The following SUGCT variants were observed in gnomAD, a reference collection of about 807,000 sequenced individuals.
The protein encoded by SUGCT is succinyl-CoA:glutarate CoA-transferase.
In SUGCT, 41 loss-of-function variants were observed where a neutral mutation model predicts 55.0. The ratio of observed to expected loss-of-function variants is 0.74; its 90% CI spans 0.58 to 0.97. The LOEUF is 0.97. SUGCT is among the 50% of genes least tolerant of loss of function. The pLI is 0.00. For synonymous variants in SUGCT, 187 were observed against 200.4 expected (o/e 0.93, Z 0.56); for missense variants, 568 against 547.8 (o/e 1.04, Z -0.37).
chr7:40,419,904 C>T (rs2151367216), intron 9 of SUGCT, among the ~76,000 whole-genome samples: 1 of 152,318 alleles, frequency 6.6e-6, no homozygotes, highest in East Asian at 1.9e-4. Context: ...GTCTCCTATA[C>T]ATTTTGCAGA....
At chr7:40,339,489 C>T (rs1486995194) in intron 9 of SUGCT, among the ~76,000 whole-genome samples, 1 of 152,148 alleles carries the variant, frequency 6.6e-6, no homozygotes, top group Non-Finnish European at 1.5e-5. Flanking sequence ...GCAGTTTGAT[C>T]TCAGACCGCT....
chr7:40,228,999 A>C (rs934322805), intron 6 of SUGCT, among the ~76,000 whole-genome samples: 1 of 152,180 alleles, frequency 6.6e-6, no homozygotes. Flanking sequence ...GACATGACCA[A>C]TAATTTTTGA....
the SUGCT span, among the ~76,000 whole-genome samples, chr7:41,006,358 T>C: frequency 3.3e-5 from 5 of 152,192 alleles, no homozygotes; most frequent in African/African-American, 7.2e-5. Flanking sequence ...CAACAAGATA[T>C]AGAATGTGAG....
intron 9 of SUGCT, among the ~76,000 whole-genome samples, chr7:40,422,712 T>C (rs934936247): frequency 6.6e-6 from 1 of 152,048 alleles, no homozygotes; most frequent in Admixed American, 6.6e-5. Flanking sequence ...TTTGTTAATT[T>C]ATCACATTTA....
At chr7:40,375,782 T>G (rs1784513956) in intron 9 of SUGCT, among the ~76,000 whole-genome samples, 1 of 152,224 alleles carries the variant, frequency 6.6e-6, no homozygotes, top group South Asian at 2.1e-4. Context: ...TAACGTACCC[T>G]CATAATACTG....
At chr7:40,311,179 C>T (rs1795126911) in intron 8 of SUGCT, among the ~76,000 whole-genome samples, 1 of 152,190 alleles carries the variant, frequency 6.6e-6, no homozygotes, top group African/African-American at 2.4e-5. Context: ...GCATCCTCTG[C>T]CCATACAACC....
In SUGCT at chr7:40,598,498, T is replaced by C. The variant is rs541425459; in HGVS notation, c.1089+102112T>C. On this transcript the variant is annotated intron_variant, in intron 12 of 13. Transcript: ENST00000335693. ...AGGGAGGATTCATAGAGGTGATAATTGTTCTGGGCATTCATGTATATAAAT... is the reference window on the plus strand; with the variant it reads ...AGGGAGGATTCATAGAGGTGATAATCGTTCTGGGCATTCATGTATATAAAT... Among the ~76,000 whole-genome samples, 18 of 152,298 alleles carry C rather than the reference T, an allele frequency of 1.2e-4. No homozygotes were observed. In the East Asian group the frequency reaches 3.3e-3, roughly 28 times the overall value.
At chr7:40,287,557 G>T (rs1793435131) in intron 8 of SUGCT, among the ~76,000 whole-genome samples, 1 of 151,616 alleles carries the variant, frequency 6.6e-6, no homozygotes. Flanking sequence ...GAATGCAGTG[G>T]CATGATCATG....
chr7:41,014,665 G>C, the SUGCT span, among the ~76,000 whole-genome samples: 1 of 152,134 alleles, frequency 6.6e-6, no homozygotes, highest in African/African-American at 2.4e-5. Context: ...GAGCCAAGTC[G>C]TCAGTCTCAA....
At chr7:40,952,088 A>C in the SUGCT span, among the ~76,000 whole-genome samples, 1 of 152,268 alleles carries the variant, frequency 6.6e-6, no homozygotes, top group East Asian at 1.9e-4. Context: ...GTGGGAGTCT[A>C]AGTCTCTTTG....
chr7:40,969,919 G>A, the SUGCT span, among the ~76,000 whole-genome samples: 1,435 of 152,310 alleles, frequency 9.4e-3, 25 homozygotes, highest in African/African-American at 0.033. Flanking sequence ...AGTTTTTCCT[G>A]TTGGCTTTTG....
chr7:40,767,303 A>G (rs529017141), intron 13 of SUGCT, among the ~76,000 whole-genome samples: 77 of 152,340 alleles, frequency 5.1e-4, no homozygotes, highest in African/African-American at 1.6e-3. Context: ...AGAGTTTTGT[A>G]CCCAAAATAT....
intron 13 of SUGCT, among the ~76,000 whole-genome samples, chr7:40,853,710 TA>T (rs752228873): frequency 7.2e-5 from 11 of 152,154 alleles, no homozygotes; most frequent in Non-Finnish European, 1.5e-4. Context: ...TGGATAATCT[TA>T]GACAAATTAA....
At chr7:40,328,253 C>T (rs1045446445) in intron 9 of SUGCT, among the ~76,000 whole-genome samples, 5 of 152,148 alleles carry the variant, frequency 3.3e-5, no homozygotes, top group African/African-American at 1.2e-4. Context: ...GGTTGTACAT[C>T]TTTTGAATAA....
intron 12 of SUGCT, among the ~76,000 whole-genome samples, chr7:40,615,384 C>T (rs1407956241): frequency 6.6e-6 from 1 of 152,156 alleles, no homozygotes; most frequent in Non-Finnish European, 1.5e-5. Context: ...ACCTCTCAAT[C>T]CCAGTAAATA....
chr7:40,332,658 C>T (rs1796387250), intron 9 of SUGCT, among the ~76,000 whole-genome samples: 1 of 152,054 alleles, frequency 6.6e-6, no homozygotes, highest in Admixed American at 6.5e-5. Context: ...AATAGTGTTA[C>T]TGTGTAGACT....
chr7:40,196,223 A>G (rs771722208), intron 6 of SUGCT, among the ~76,000 whole-genome samples: 17 of 152,214 alleles, frequency 1.1e-4, no homozygotes, highest in Non-Finnish European at 2.5e-4. Context: ...AGTTTTCTAT[A>G]TAAGTACTTA....
At chr7:40,480,352 C>T (rs1450074050) in intron 11 of SUGCT, among the ~76,000 whole-genome samples, 2 of 152,106 alleles carry the variant, frequency 1.3e-5, no homozygotes, top group Admixed American at 6.5e-5. Context: ...TTTCTAGACT[C>T]TCTATTCTGT....
At chr7:40,367,329 A>G (rs1320571886) in intron 9 of SUGCT, among the ~76,000 whole-genome samples, 8 of 151,658 alleles carry the variant, frequency 5.3e-5, no homozygotes, top group Non-Finnish European at 7.4e-5. Flanking sequence ...TGACGAGTTA[A>G]TGGGTGCAGG....
Sources: gnomAD v4.1 joint callset for allele counts (sites outside exome capture counted in the v4.1 genomes callset) on GRCh38, gnomAD v4.1.1 for gene constraint, MANE v1.5 for transcripts, NCBI Gene and HGNC (gene_info 2026-07-23, HGNC 2026-07-21) for gene names.